EDA: variants seen among roughly 807,000 people sequenced by gnomAD.
The protein encoded by EDA is ectodysplasin-A.
In EDA, 2 loss-of-function variants were observed where a neutral mutation model predicts 23.6. That is an observed-to-expected ratio of 0.08 (90% CI 0.03 to 0.27). The LOEUF is 0.27. EDA is among the 10% of genes least tolerant of loss of function. EDA has a pLI of 1.00. For missense variants in EDA, 229 were observed against 324.2 expected, an observed-to-expected ratio of 0.71 and a Z score of 2.26; for synonymous variants, 131 against 132.0, an observed-to-expected ratio of 0.99 and a Z score of 0.05.
intron 6 of EDA, among the ~76,000 whole-genome samples, chrX:70,032,186 G>C (rs751466672): frequency 9.1e-6 from 1 of 110,065 alleles, no homozygotes; most frequent in East Asian, 2.9e-4. Context: ...TTGAACCCGG[G>C]AGGTGGAGGT....
chrX:69,857,407 G>A (rs946256720), intron 1 of EDA, among the ~76,000 whole-genome samples: 7 of 111,312 alleles, frequency 6.3e-5, no homozygotes, highest in South Asian at 3.8e-4. Flanking sequence ...TGTGAAAAAT[G>A]ATGAAGGTAT....
At chrX:69,625,141 C>T (rs913127466) in intron 1 of EDA, among the ~76,000 whole-genome samples, 1 of 110,899 alleles carries the variant, frequency 9.0e-6, no homozygotes, top group African/African-American at 3.3e-5. Flanking sequence ...AGAGGGGATT[C>T]CTGCCATTGT....
chrX:69,719,089 G>A (rs2012464380), intron 1 of EDA, among the ~76,000 whole-genome samples: 1 of 111,227 alleles, frequency 9.0e-6, no homozygotes, highest in Non-Finnish European at 1.9e-5. Flanking sequence ...TGAGCATAAA[G>A]TTATTCATAG....
chrX:69,789,480 A>C (rs1199427010), intron 1 of EDA, among the ~76,000 whole-genome samples: 1 of 112,222 alleles, frequency 8.9e-6, no homozygotes, highest in Non-Finnish European at 1.9e-5. Flanking sequence ...CAAATTTTTC[A>C]AATGAAGGCT....
chrX:69,727,191 T>C (rs1233306923), intron 1 of EDA, among the ~76,000 whole-genome samples: 2 of 111,823 alleles, frequency 1.8e-5, no homozygotes, highest in Non-Finnish European at 3.8e-5. Flanking sequence ...TCAGATGCTC[T>C]TTCTCTTTTC....
At chrX:69,808,359 T>G (rs1027549133) in intron 1 of EDA, among the ~76,000 whole-genome samples, 1 of 111,699 alleles carries the variant, frequency 9.0e-6, no homozygotes, top group African/African-American at 3.3e-5. Context: ...CATGTTACCC[T>G]CCTAGCATCA....
At chrX:69,856,505 A>C (rs1281344666) in intron 1 of EDA, among the ~76,000 whole-genome samples, 1 of 109,240 alleles carries the variant, frequency 9.2e-6, no homozygotes, top group Non-Finnish European at 1.9e-5. Context: ...TTCCCTTTTC[A>C]CCACATCCAC....
At chrX:69,681,513 G>T (rs1230590477) in intron 1 of EDA, among the ~76,000 whole-genome samples, 2 of 111,138 alleles carry the variant, frequency 1.8e-5, no homozygotes, top group Non-Finnish European at 3.8e-5. Context: ...TGGAGGCTTT[G>T]CTCGTTTCTT....
At chrX:69,652,987 T>C (rs1239901229) in intron 1 of EDA, among the ~76,000 whole-genome samples, 1 of 111,699 alleles carries the variant, frequency 9.0e-6, no homozygotes, top group Non-Finnish European at 1.9e-5. Context: ...ATATGAACTT[T>C]AAAGTAGTTT....
At chrX:69,696,047 C>G (rs1164186966) in intron 1 of EDA, among the ~76,000 whole-genome samples, 1 of 110,084 alleles carries the variant, frequency 9.1e-6, no homozygotes, top group Non-Finnish European at 1.9e-5. Context: ...CGAGACCAGC[C>G]TGACCAACAT....
chrX:69,910,370 AGAGAGTGTGTGTGTGTGTGT>A (rs1235964450), intron 1 of EDA, among the ~76,000 whole-genome samples: 10 of 46,152 alleles, frequency 2.2e-4, no homozygotes, highest in African/African-American at 6.0e-4. Context: ...AGAGAGAGAG[AGAGAGTGTGTGTGTGTGTGT>A]GTGTGTGTGT....
intron 1 of EDA, among the ~76,000 whole-genome samples, chrX:69,871,687 C>T (rs1396080440): frequency 4.5e-5 from 5 of 112,105 alleles, no homozygotes; most frequent in Non-Finnish European, 9.4e-5. Context: ...ACTTTGTATC[C>T]CTCAATCCAA....
intron 1 of EDA, among the ~76,000 whole-genome samples, chrX:69,850,247 C>T (rs771451395): frequency 9.8e-5 from 11 of 112,206 alleles, no homozygotes; most frequent in African/African-American, 3.6e-4. Flanking sequence ...GTTTTATATA[C>T]TGAAGGACAG....
chrX:69,731,804 C>T (rs1022979384), intron 1 of EDA, among the ~76,000 whole-genome samples: 2 of 111,647 alleles, frequency 1.8e-5, no homozygotes, highest in Non-Finnish European at 3.8e-5. Context: ...TGTTGAATAG[C>T]GGTGGTGAGA....
At chrX:69,837,747 T>C (rs1342607862) in intron 1 of EDA, among the ~76,000 whole-genome samples, 1 of 112,091 alleles carries the variant, frequency 8.9e-6, no homozygotes, top group Non-Finnish European at 1.9e-5. Context: ...TCCAAAGGAA[T>C]TGGTGGCATA....
intron 2 of EDA, among the ~76,000 whole-genome samples, chrX:70,005,716 A>G (rs936499286): frequency 9.1e-6 from 1 of 110,300 alleles, no homozygotes; most frequent in African/African-American, 3.3e-5. Context: ...TGGTGGATGT[A>G]GAGCCAGGGC....
intron 1 of EDA, among the ~76,000 whole-genome samples, chrX:69,908,182 G>A (rs2018206795): frequency 9.0e-6 from 1 of 111,511 alleles, no homozygotes; most frequent in South Asian, 3.8e-4. Flanking sequence ...GGTTCTCTAA[G>A]AAGTCATTAA....
At chrX:69,907,274 G>C (rs1260978458) in intron 1 of EDA, among the ~76,000 whole-genome samples, 1 of 111,861 alleles carries the variant, frequency 8.9e-6, no homozygotes, top group African/African-American at 3.2e-5. Flanking sequence ...AGGAAAGGGA[G>C]TATCTAAAAC....
At chrX:69,732,362 G>C (rs1459108684) in intron 1 of EDA, among the ~76,000 whole-genome samples, 1 of 111,611 alleles carries the variant, frequency 9.0e-6, no homozygotes, top group Non-Finnish European at 1.9e-5. Flanking sequence ...TTAGTTTTCT[G>C]TCCTTGCAGT....
Sources: gnomAD v4.1 joint callset for allele counts (sites outside exome capture counted in the v4.1 genomes callset) on GRCh38, gnomAD v4.1.1 for gene constraint, MANE v1.5 for transcripts, NCBI Gene and HGNC (gene_info 2026-07-23, HGNC 2026-07-21) for gene names.